The following SHISA9 variants were observed in gnomAD, a reference collection of about 807,000 sequenced individuals.
The protein encoded by SHISA9 is protein shisa-9.
SHISA9 carries 13 observed loss-of-function variants against 38.0 expected under a neutral mutation model. The observed-to-expected ratio is 0.34, with a 90% confidence interval of 0.22 to 0.54. The LOEUF (loss-of-function observed/expected upper bound fraction) is 0.54, where lower values mean the gene tolerates loss of function less well. SHISA9 is among the 20% of genes least tolerant of loss of function. SHISA9 has a pLI of 0.91. For synonymous variants in SHISA9, 275 were observed against 242.0 expected (o/e 1.14, Z -1.27); for missense variants, 538 against 575.8 (o/e 0.93, Z 0.67).
intron 2 of SHISA9, among the ~76,000 whole-genome samples, chr16:12,920,603 A>G (rs1361059045): frequency 6.6e-6 from 1 of 152,162 alleles, no homozygotes; most frequent in African/African-American, 2.4e-5. Context: ...GAAACATCTC[A>G]TGTACCCTAC....
chr16:13,135,313 C>A (rs2050339554), intron 2 of SHISA9, among the ~76,000 whole-genome samples: 1 of 152,206 alleles, frequency 6.6e-6, no homozygotes, highest in Non-Finnish European at 1.5e-5. Flanking sequence ...AGATGCACCA[C>A]CTGGATCCTT....
intron 2 of SHISA9, among the ~76,000 whole-genome samples, chr16:13,174,379 C>T (rs2050713973): frequency 6.6e-6 from 1 of 152,076 alleles, no homozygotes; most frequent in African/African-American, 2.4e-5. Flanking sequence ...CACAGAAGCT[C>T]CCTTTCATCA....
chr16:13,517,819 A>G, the SHISA9 span, among the ~76,000 whole-genome samples: 1 of 152,184 alleles, frequency 6.6e-6, no homozygotes, highest in Non-Finnish European at 1.5e-5. Flanking sequence ...GTCTAAGCTA[A>G]TCCTCAACTC....
At chr16:12,967,189 G>T (rs1340589348) in intron 2 of SHISA9, among the ~76,000 whole-genome samples, 1 of 151,806 alleles carries the variant, frequency 6.6e-6, no homozygotes, top group Non-Finnish European at 1.5e-5. Flanking sequence ...ACTGGATTAA[G>T]AAAATGTGGC....
chr16:13,296,649 G>C, the SHISA9 span, among the ~76,000 whole-genome samples: 1 of 151,774 alleles, frequency 6.6e-6, no homozygotes, highest in Non-Finnish European at 1.5e-5. Context: ...ATTGCACTTT[G>C]GGAGGCCAAG....
intron 2 of SHISA9, among the ~76,000 whole-genome samples, chr16:13,069,958 C>T (rs755782058): frequency 1.3e-5 from 2 of 152,122 alleles, no homozygotes; most frequent in Non-Finnish European, 2.9e-5. Context: ...GCCTGCAGAA[C>T]GGTGGGAAAT....
the SHISA9 span, among the ~76,000 whole-genome samples, chr16:13,506,036 T>C: frequency 6.6e-6 from 1 of 152,172 alleles, no homozygotes; most frequent in Non-Finnish European, 1.5e-5. Context: ...CACAAAGCCT[T>C]GTTTGGTAAG....
chr16:13,497,657 C>A, the SHISA9 span, among the ~76,000 whole-genome samples: 2 of 146,684 alleles, frequency 1.4e-5, no homozygotes, highest in African/African-American at 2.5e-5. Context: ...TGCACTCCAG[C>A]CTGGGTAACA....
intron 2 of SHISA9, among the ~76,000 whole-genome samples, chr16:13,155,837 T>C (rs759401431): frequency 5.7e-4 from 87 of 152,146 alleles, no homozygotes; most frequent in Non-Finnish European, 5.3e-4. Context: ...CCCTGTATAG[T>C]AACAAGAGGA....
intron 2 of SHISA9, among the ~76,000 whole-genome samples, chr16:12,927,440 C>T (rs1022982989): frequency 1.3e-5 from 2 of 152,176 alleles, no homozygotes; most frequent in Non-Finnish European, 2.9e-5. Context: ...GCTCTGCCGC[C>T]TAGGCTGGAG....
At chr16:13,016,670 T>C (rs2072761473) in intron 2 of SHISA9, among the ~76,000 whole-genome samples, 1 of 152,252 alleles carries the variant, frequency 6.6e-6, no homozygotes, top group South Asian at 2.1e-4. Context: ...GAGCACATTT[T>C]GTTTCATTTA....
chr16:13,234,830 CTTTG>C (rs886520647), intron 4 of SHISA9, among the ~76,000 whole-genome samples, 196 bp from the exon 5 acceptor site: 5 of 151,988 alleles, frequency 3.3e-5, no homozygotes, highest in African/African-American at 1.2e-4. Flanking sequence ...TGGTCCTGCT[CTTTG>C]TTTGTGAAAA....
intron 1 of SHISA9, 127 bp downstream of exon 1, chr16:12,902,754 G>A (rs1032331178): frequency 4.8e-6 from 5 of 1,040,554 alleles, no homozygotes; most frequent in African/African-American, 3.2e-5. Flanking sequence ...TCCGCTGGGG[G>A]ATGTCACCGG....
intron 2 of SHISA9, among the ~76,000 whole-genome samples, chr16:13,113,767 G>A (rs1045215552): frequency 1.3e-5 from 2 of 152,142 alleles, no homozygotes; most frequent in Non-Finnish European, 2.9e-5. Context: ...GGAGGAGAAA[G>A]GGATGAACAC....
chr16:13,543,333 TG>T, the SHISA9 span, among the ~76,000 whole-genome samples: 1 of 152,192 alleles, frequency 6.6e-6, no homozygotes, highest in South Asian at 2.1e-4. Context: ...GAGGGGACAT[TG>T]TATTTACACT....
chr16:13,024,438 C>T (rs973047635), intron 2 of SHISA9, among the ~76,000 whole-genome samples: 10 of 152,350 alleles, frequency 6.6e-5, no homozygotes, highest in African/African-American at 2.4e-4. Flanking sequence ...CAGATTTTGG[C>T]TGGTTCAGAT....
chr16:13,260,537 C>T, the SHISA9 span, among the ~76,000 whole-genome samples: 1 of 152,248 alleles, frequency 6.6e-6, no homozygotes, highest in South Asian at 2.1e-4. Context: ...TTTGCTAAAA[C>T]ATAACAAATG....
intron 2 of SHISA9, among the ~76,000 whole-genome samples, chr16:13,063,532 G>T (rs1237047480): frequency 6.6e-6 from 1 of 152,102 alleles, no homozygotes; most frequent in Non-Finnish European, 1.5e-5. Context: ...GTGTGTTCTT[G>T]TGGGGCGTCA....
the SHISA9 span, among the ~76,000 whole-genome samples, chr16:13,420,827 C>T: frequency 6.6e-6 from 1 of 152,134 alleles, no homozygotes; most frequent in African/African-American, 2.4e-5. Context: ...AATAATCAGC[C>T]TTGTTTAGGA....
Sources: allele counts gnomAD v4.1 joint callset (sites outside exome capture counted in the v4.1 genomes callset), GRCh38; gene constraint gnomAD v4.1.1; transcripts MANE v1.5; gene names NCBI Gene and HGNC (gene_info 2026-07-23, HGNC 2026-07-21).